Variants in FBXL17 observed in about 807,000 individuals in gnomAD.
FBXL17 encodes the protein F-box/LRR-repeat protein 17.
In FBXL17, 22 loss-of-function variants were observed where a neutral mutation model predicts 66.2. The observed-to-expected ratio is 0.33, with a 90% CI of 0.24 to 0.47. FBXL17 has a LOEUF of 0.47. Among genes scored for constraint, FBXL17 ranks in the 20% least tolerant of loss-of-function variants. The pLI is 1.00. For synonymous variants in FBXL17, 474 were observed against 400.5 expected, an observed-to-expected ratio of 1.18 and a Z score of -2.19; for missense variants, 878 against 948.2, an observed-to-expected ratio of 0.93 and a Z score of 0.97.
intron 4 of FBXL17, among the ~76,000 whole-genome samples, chr5:108,305,262 ACACAGACACATGGTTCT>A (rs143218606): frequency 0.028 from 4,289 of 152,166 alleles, 194 homozygotes; most frequent in African/African-American, 0.098. Context: ...TGATGAGAAC[ACACAGACACATGGTTCT>A]CACAGACACA....
intron 6 of FBXL17, among the ~76,000 whole-genome samples, chr5:108,107,521 G>A (rs1024341614): frequency 1.3e-5 from 2 of 151,866 alleles, no homozygotes; most frequent in Non-Finnish European, 2.9e-5. Flanking sequence ...ATTCCTTTAA[G>A]AGAAATCTCG....
At chr5:108,251,081 C>T (rs1025370263) in intron 4 of FBXL17, among the ~76,000 whole-genome samples, 5 of 151,920 alleles carry the variant, frequency 3.3e-5, no homozygotes, top group Non-Finnish European at 7.4e-5. Context: ...GAAAAACTAG[C>T]ACCAATTATC....
intron 6 of FBXL17, among the ~76,000 whole-genome samples, chr5:108,079,152 C>T (rs1021361695): frequency 7.0e-6 from 1 of 142,488 alleles, no homozygotes; most frequent in Non-Finnish European, 1.6e-5. Flanking sequence ...CCTAACCTCT[C>T]TTTCTTTTTT....
chr5:108,223,716 C>T (rs1754972887), intron 5 of FBXL17, among the ~76,000 whole-genome samples: 1 of 152,116 alleles, frequency 6.6e-6, no homozygotes, highest in Non-Finnish European at 1.5e-5. Flanking sequence ...ATTCACCTCT[C>T]TTTTCACCTT....
At chr5:108,034,919 A>G (rs921885298) in intron 6 of FBXL17, among the ~76,000 whole-genome samples, 1 of 152,180 alleles carries the variant, frequency 6.6e-6, no homozygotes, top group Non-Finnish European at 1.5e-5. Context: ...CATGAAGGGT[A>G]ATTTATCTTC....
chr5:107,907,121 T>A (rs1749786412), intron 7 of FBXL17, among the ~76,000 whole-genome samples: 1 of 152,180 alleles, frequency 6.6e-6, no homozygotes, highest in Admixed American at 6.5e-5. Flanking sequence ...ATTTGCACCT[T>A]CCTACCCTGT....
At chr5:108,020,666 T>TTGTG (rs149235704) in intron 7 of FBXL17, 2 of 270,230 alleles carry the variant, frequency 7.4e-6, no homozygotes, top group South Asian at 1.2e-4. Flanking sequence ...CTTTTTAATT[T>TTGTG]TGTGTGAGTG....
chr5:107,940,401 T>C (rs761930725), intron 7 of FBXL17, among the ~76,000 whole-genome samples: 10 of 152,114 alleles, frequency 6.6e-5, no homozygotes, highest in Non-Finnish European at 1.5e-4. Context: ...AACAGTGAGA[T>C]GGCGTATATG....
chr5:107,986,682 C>A (rs367751728), intron 7 of FBXL17, among the ~76,000 whole-genome samples: 15 of 151,710 alleles, frequency 9.9e-5, no homozygotes, highest in Admixed American at 9.9e-4. Flanking sequence ...ATTATTTTAA[C>A]AAGAACTTGA....
intron 7 of FBXL17, among the ~76,000 whole-genome samples, chr5:107,981,483 G>A (rs773097728): frequency 5.9e-5 from 9 of 152,152 alleles, no homozygotes; most frequent in Non-Finnish European, 1.3e-4. Context: ...GGAGCAGAAC[G>A]GAAAGAGCAG....
intron 2 of FBXL17, among the ~76,000 whole-genome samples, chr5:108,367,229 T>A (rs1748723717): frequency 1.3e-5 from 2 of 152,234 alleles, no homozygotes; most frequent in Admixed American, 6.6e-5. Context: ...AAAAAACTGT[T>A]TGCAACAAAC....
chr5:108,012,017 T>C (rs1287021398), intron 7 of FBXL17, among the ~76,000 whole-genome samples: 1 of 152,216 alleles, frequency 6.6e-6, no homozygotes, highest in Non-Finnish European at 1.5e-5. Flanking sequence ...TTGAATGTTG[T>C]CTTAAATTGC....
At position 108,010,277 on chromosome 5, in the gene FBXL17, C is replaced by G. The variant is rs143771216; in HGVS notation, c.1822+10648G>C. ...TAAAACAAATGCAGAATATTTGAGA[C>G]AAACAAAATCAGAAGGTAATACCCA... On this transcript the variant is annotated intron_variant, in intron 7 of 8. Coordinates refer to ENST00000542267, the MANE Select transcript of FBXL17 (RefSeq NM_001163315.3). 5.3e-4 allele frequency among the ~76,000 whole-genome samples: 80 copies of G among 152,240 alleles called. No individual in the cohort carries two copies. In the East Asian group the frequency reaches 0.014, roughly 27 times the overall value.
chr5:108,273,695 G>C (rs1372802345), intron 4 of FBXL17, among the ~76,000 whole-genome samples: 1 of 151,930 alleles, frequency 6.6e-6, no homozygotes, highest in Non-Finnish European at 1.5e-5. Flanking sequence ...AAGAGCATCA[G>C]AGAAAGAAAA....
chr5:108,145,298 A>C (rs1016955449), intron 6 of FBXL17, among the ~76,000 whole-genome samples: 1 of 152,174 alleles, frequency 6.6e-6, no homozygotes, highest in African/African-American at 2.4e-5. Context: ...GAACTTAATA[A>C]AAGTAAATGA....
chr5:108,213,361 G>A (rs970249472), intron 5 of FBXL17, among the ~76,000 whole-genome samples: 4 of 152,208 alleles, frequency 2.6e-5, no homozygotes, highest in African/African-American at 9.6e-5. Flanking sequence ...AACTCCTGCA[G>A]TTAGTTCGGT....
chr5:108,313,419 T>G (rs1446115116), intron 4 of FBXL17, among the ~76,000 whole-genome samples: 1 of 152,086 alleles, frequency 6.6e-6, no homozygotes, highest in Non-Finnish European at 1.5e-5. Flanking sequence ...ATCTCTACCT[T>G]CTGCCATGTA....
chr5:108,227,357 T>C (rs1755144803), intron 4 of FBXL17, among the ~76,000 whole-genome samples: 1 of 152,312 alleles, frequency 6.6e-6, no homozygotes, highest in East Asian at 1.9e-4. Flanking sequence ...CAAAAAAATT[T>C]CCATTTACAA....
chr5:108,101,531 A>G (rs554840490), intron 6 of FBXL17, among the ~76,000 whole-genome samples: 11 of 152,346 alleles, frequency 7.2e-5, no homozygotes, highest in Admixed American at 3.9e-4. Flanking sequence ...AATGTCTATT[A>G]ATGTAACAGT....
Sources: allele counts gnomAD v4.1 joint callset (sites outside exome capture counted in the v4.1 genomes callset), GRCh38; gene constraint gnomAD v4.1.1; transcripts MANE v1.5; gene names NCBI Gene and HGNC (gene_info 2026-07-23, HGNC 2026-07-21).